DPYS: variants seen among roughly 807,000 people sequenced by gnomAD.
DPYS encodes dihydropyrimidinase.
In DPYS, 39 loss-of-function variants were observed where a neutral mutation model predicts 50.3. The ratio of observed to expected loss-of-function variants is 0.78; its 90% CI spans 0.60 to 1.01. The LOEUF (loss-of-function observed/expected upper bound fraction) is 1.01, where lower values mean the gene tolerates loss of function less well. Among genes scored for constraint, DPYS ranks in the 50% least tolerant of loss-of-function variants. The pLI, the probability that DPYS is intolerant of heterozygous loss-of-function variation, is 0.00. For synonymous variants in DPYS, 245 were observed against 250.7 expected (o/e 0.98, Z 0.22); for missense variants, 659 against 680.9 (o/e 0.97, Z 0.36).
intron 7 of DPYS, among the ~76,000 whole-genome samples, chr8:104,418,146 C>T (rs1812427728): frequency 6.6e-6 from 1 of 152,192 alleles, no homozygotes; most frequent in South Asian, 2.1e-4. Context: ...CTGGCTTGTT[C>T]TTGCATAACC....
chr8:104,404,562 C>G lies in DPYS; in HGVS notation c.1236-11571G>C, dbSNP rs184893470. 5.3e-4 allele frequency among the ~76,000 whole-genome samples: 80 copies of G among 152,268 alleles called. 1 individual carries two copies. The highest frequency in any genetic ancestry group is 4.4e-3 in the East Asian group (23 of 5,182). On this transcript the variant is annotated intron_variant, in intron 7 of 9. Transcript: ENST00000351513. The stretch of plus-strand genomic sequence containing the variant: ...ATGCTTCACTGTCTGAAGACTGTGC[C>G]GTGGAAAAATAAGGCAAAAAGGCTT...
chr8:104,405,820 C>T (rs1424304528), intron 7 of DPYS, among the ~76,000 whole-genome samples: 1 of 152,212 alleles, frequency 6.6e-6, no homozygotes, highest in Non-Finnish European at 1.5e-5. Context: ...TGAGGACATC[C>T]ATGCTGGAGG....
chr8:104,427,526 G>C (rs549183001), intron 6 of DPYS, among the ~76,000 whole-genome samples: 1 of 151,994 alleles, frequency 6.6e-6, no homozygotes, highest in Non-Finnish European at 1.5e-5. Flanking sequence ...TGATCCACCT[G>C]CCTTGGCCTC....
At chr8:104,463,119 A>G (rs761290431) in intron 1 of DPYS, among the ~76,000 whole-genome samples, 3 of 152,228 alleles carry the variant, frequency 2.0e-5, no homozygotes, top group Non-Finnish European at 4.4e-5. Flanking sequence ...AGCCTGCTGG[A>G]TGTAGAATGC....
rs142773952 is a variant in DPYS at position 104,387,202 on chromosome 8, A to G, written c.1443+5582T>C. Among the ~76,000 whole-genome samples, 979 of 152,284 alleles carry G rather than the reference A, an allele frequency of 6.4e-3. 15 individuals carry two copies. The highest frequency in any genetic ancestry group is 0.022 in the African/African-American group (935 of 41,562). The stretch of plus-strand genomic sequence containing the variant: ...GGGCTCTGTGAATCACTTGTACATG[A>G]GAAAGCCCTAGGTGCAACAGAGGTG... On this transcript the variant is annotated intron_variant, in intron 8 of 9. Transcript: ENST00000351513.
At chr8:104,441,836 G>C (rs1433183464) in intron 4 of DPYS, among the ~76,000 whole-genome samples, 3 of 152,200 alleles carry the variant, frequency 2.0e-5, no homozygotes, top group East Asian at 1.9e-4. Flanking sequence ...ATCAATAGGG[G>C]ACTTGTTGAA....
Position 104,444,297 on chromosome 8 carries a change from A to C in DPYS, c.744T>G (p.His248Gln), listed in dbSNP as rs1813454151. The C allele has an allele frequency of 3.1e-6, 5 of 1,614,092 alleles. No homozygotes were observed. The highest frequency in any genetic ancestry group is 4.2e-6 in the Non-Finnish European group (5 of 1,180,044). Residue 248 changes from histidine (H) to glutamine (Q), a missense_variant, in exon 4 of 10, where the codon CAT becomes CAG. Physicochemically the swap from His to Gln is conservative, Grantham distance 24. Transcript: ENST00000351513. The stretch of plus-strand genomic sequence containing the variant: ...CCTTAGCTGCAGACTTGCTCATCAC[A>C]TGCACAATGTAGAGAGGACAGTTCA... ...SAVNCPLYIV[H>Q]VMSKSAAKVI...
chr8:104,465,735 C>T (rs1814353829), intron 1 of DPYS, among the ~76,000 whole-genome samples: 1 of 152,222 alleles, frequency 6.6e-6, no homozygotes, highest in Non-Finnish European at 1.5e-5. Context: ...TGTGTTGGGC[C>T]GCATTCAAAG....
At chr8:104,408,804 ATGTTTTTTTGTT>A (rs1316868666) in intron 7 of DPYS, among the ~76,000 whole-genome samples, 3 of 148,174 alleles carry the variant, frequency 2.0e-5, no homozygotes, top group Non-Finnish European at 4.5e-5. Context: ...TCCTCCAAAC[ATGTTTTTTTGTT>A]TGTTTTTTTT....
chr8:104,395,044 G>C lies in DPYS; in HGVS notation c.1236-2053C>G, dbSNP rs550517757. On this transcript the variant is annotated intron_variant, in intron 7 of 9. Transcript: ENST00000351513. The stretch of plus-strand genomic sequence containing the variant: ...GGTTTTGCTCTTGTTGCCTAGGCTG[G>C]AAGTACAGTGGTGTGACCATAGCTC... Among the ~76,000 whole-genome samples, 8 of 151,722 alleles carry C rather than the reference G, an allele frequency of 5.3e-5. No homozygotes were observed. In the East Asian group the frequency reaches 1.6e-3, roughly 29 times the overall value.
intron 7 of DPYS, among the ~76,000 whole-genome samples, chr8:104,416,791 T>C (rs574429151): frequency 4.3e-4 from 66 of 152,222 alleles, no homozygotes; most frequent in African/African-American, 1.5e-3. Flanking sequence ...CAGTCACTGG[T>C]GATGTAGCTA....
chr8:104,464,690 G>A (rs1814294219), intron 1 of DPYS, among the ~76,000 whole-genome samples: 1 of 152,148 alleles, frequency 6.6e-6, no homozygotes, highest in South Asian at 2.1e-4. Flanking sequence ...ATATGATATC[G>A]ATTATGTAAA....
At chr8:104,421,891 G>C (rs1812561111) in intron 7 of DPYS, among the ~76,000 whole-genome samples, 1 of 152,186 alleles carries the variant, frequency 6.6e-6, no homozygotes, top group Non-Finnish European at 1.5e-5. Flanking sequence ...AGCAAAACTT[G>C]TGAGAAAGTG....
At chr8:104,456,434 T>C (rs1205368103) in intron 1 of DPYS, among the ~76,000 whole-genome samples, 1 of 152,164 alleles carries the variant, frequency 6.6e-6, no homozygotes, top group Non-Finnish European at 1.5e-5. Flanking sequence ...TAAATGAGGG[T>C]TGATCACAAA....
intron 7 of DPYS, among the ~76,000 whole-genome samples, chr8:104,403,212 C>T (rs1811880181): frequency 6.6e-6 from 1 of 152,196 alleles, no homozygotes; most frequent in Admixed American, 6.5e-5. Context: ...TCCAGCAAGG[C>T]TCCCATTGCT....
intron 8 of DPYS, among the ~76,000 whole-genome samples, chr8:104,384,406 G>C (rs1811148357): frequency 6.6e-6 from 1 of 152,200 alleles, no homozygotes; most frequent in Admixed American, 6.5e-5. Context: ...GACATCACTA[G>C]ATGTTCACTG....
chr8:104,460,067 G>T (rs1006339462), intron 1 of DPYS, among the ~76,000 whole-genome samples: 2 of 151,836 alleles, frequency 1.3e-5, no homozygotes, highest in African/African-American at 4.8e-5. Context: ...CTTTTCTTTT[G>T]TGAATCTCTC....
intron 1 of DPYS, among the ~76,000 whole-genome samples, chr8:104,462,092 T>C (rs1014116822): frequency 6.6e-6 from 1 of 152,242 alleles, no homozygotes; most frequent in East Asian, 1.9e-4. Flanking sequence ...TGAGTGACTA[T>C]AATGTGCCAG....
chr8:104,423,812 A>G (rs1218049672), intron 7 of DPYS: 1 of 217,330 alleles, frequency 4.6e-6, no homozygotes, highest in Non-Finnish European at 7.8e-6. Context: ...CTCAACTGGA[A>G]AATTTGGCTA....
Sources: gnomAD v4.1 joint callset for allele counts (sites outside exome capture counted in the v4.1 genomes callset) on GRCh38, gnomAD v4.1.1 for gene constraint, MANE v1.5 for transcripts, NCBI Gene and HGNC (gene_info 2026-07-23, HGNC 2026-07-21) for gene names.